The following DCN variants were observed in gnomAD, a reference collection of about 807,000 sequenced individuals.
DCN encodes the protein decorin.
A neutral mutation model predicts 36.5 loss-of-function variants in DCN; 17 were observed. The observed-to-expected ratio is 0.47, with a 90% CI of 0.32 to 0.70. DCN has a LOEUF of 0.70. Among genes scored for constraint, DCN ranks in the 30% least tolerant of loss-of-function variants. The probability of loss-of-function intolerance (pLI) is 0.04; values close to 1 mark genes in which losing one functional copy is unlikely to be tolerated. For missense variants in DCN, 389 were observed against 430.1 expected, an observed-to-expected ratio of 0.90 and a Z score of 0.84; for synonymous variants, 163 against 161.4, an observed-to-expected ratio of 1.01 and a Z score of -0.07.
chr12:91,158,202 G>T, intron 4 of DCN, 94 bp downstream of exon 4: 1 of 817,534 alleles, frequency 1.2e-6, no homozygotes. Flanking sequence ...CATGTAGCTT[G>T]TAGCTAATTT....
At chr12:91,165,518 A>G (rs966713950) in intron 2 of DCN, among the ~76,000 whole-genome samples, 1 of 152,170 alleles carries the variant, frequency 6.6e-6, no homozygotes, top group African/African-American at 2.4e-5. Flanking sequence ...TCAGCTAGTC[A>G]TATAAGGATG....
chr12:91,147,416 A>G (rs1472095959), intron 7 of DCN, among the ~76,000 whole-genome samples: 2 of 152,208 alleles, frequency 1.3e-5, no homozygotes, highest in East Asian at 1.9e-4. Flanking sequence ...AGCATTATCA[A>G]TATGTAGCAT....
intron 2 of DCN, chr12:91,177,114 G>A (rs182776597): frequency 1.9e-5 from 3 of 158,558 alleles, no homozygotes; most frequent in African/African-American, 7.2e-5. Flanking sequence ...TCCCGATATA[G>A]CTTCTGAATG....
intron 1 of DCN, among the ~76,000 whole-genome samples, chr12:91,181,133 C>CGTGT (rs545530519): frequency 1.7e-4 from 25 of 147,008 alleles, no homozygotes; most frequent in Non-Finnish European, 2.1e-4. Context: ...TTCATTTGCT[C>CGTGT]GTGTGTGTGT....
chr12:91,177,554 C>G (rs1883366900), intron 2 of DCN: 1 of 702,154 alleles, frequency 1.4e-6, no homozygotes, highest in Non-Finnish European at 2.6e-6. Context: ...TTGGCCCATC[C>G]ACTGAGCTTC....
chr12:91,146,516 C>A (rs1441186086), intron 7 of DCN, among the ~76,000 whole-genome samples: 1 of 151,746 alleles, frequency 6.6e-6, no homozygotes, highest in South Asian at 2.1e-4. Flanking sequence ...ACACCATGCC[C>A]GGCTAATTTT....
chr12:91,141,803 A>T lies in DCN; in HGVS notation c.*4255T>A, dbSNP rs563049361. ...ACTGCAGAATGTGTGGCCTGGGAAG[A>T]GTCTCCTGATCTCCAATGCCTAAGT... is the stretch of plus-strand genomic sequence containing the variant. On this transcript the variant is annotated 3_prime_UTR_variant, in exon 8 of 8. Coordinates refer to ENST00000052754, the MANE Select transcript of DCN (RefSeq NM_001920.5). The T allele has an allele frequency of 6.6e-6, 1 of 152,238 alleles. No homozygotes were observed. Among genetic ancestry groups the T allele is most frequent in the African/African-American group, 2.4e-5 (1 of 41,556 alleles). The allele number at this position is 152,238 out of a possible 1,614,324, so 9.4% of individuals were successfully genotyped here. A position where few individuals can be genotyped will look rare whatever the true frequency, so the allele number is the denominator to read the frequency against.
chr12:91,181,904 A>G (rs1292155156), intron 1 of DCN, among the ~76,000 whole-genome samples: 1 of 150,786 alleles, frequency 6.6e-6, no homozygotes, highest in Non-Finnish European at 1.5e-5. Context: ...AGCAACAGGA[A>G]AAAAAAAAGC....
intron 2 of DCN, among the ~76,000 whole-genome samples, chr12:91,168,083 G>T (rs566882714): frequency 2.6e-4 from 39 of 152,106 alleles, no homozygotes; most frequent in Admixed American, 5.9e-4. Context: ...CACCAGCCTC[G>T]GCCTCCCAAA....
rs546461338 is a variant in DCN, at chr12:91,144,909, T to G, written c.*1149A>C. 6.6e-6 allele frequency: 1 copy of G among 152,222 alleles called. No individual in the cohort carries two copies. Among genetic ancestry groups the G allele is most frequent in the African/African-American group, 2.4e-5 (1 of 41,454 alleles). 9.4% of individuals were successfully genotyped at this position (152,222 alleles called of 1,614,324 possible). A position where few individuals can be genotyped will look rare whatever the true frequency, so the allele number is the denominator to read the frequency against. On this transcript the variant is annotated 3_prime_UTR_variant, in exon 8 of 8. Coordinates refer to ENST00000052754, the MANE Select transcript of DCN (RefSeq NM_001920.5). ...TATGACAAAATTTAGTCCACCATAT[T>G]TCAATTATTTGCTATACTTAATAAA...
intron 7 of DCN, chr12:91,150,741 G>A (rs1219412166): frequency 6.6e-6 from 1 of 152,116 alleles, no homozygotes; most frequent in Admixed American, 6.6e-5. Flanking sequence ...CCATTACTGG[G>A]TATATACCCA....
In DCN at chr12:91,157,059, G is replaced by T. The variant is rs1558593; in HGVS notation, c.652+16C>A. ...AATTTAAATTTTTCAAAATGTTTTG[G>T]AGAATCTTCTATCACCTTGAGGAAT... On this transcript the variant is annotated intron_variant, in intron 5 of 7. Coordinates refer to ENST00000052754, the MANE Select transcript of DCN (RefSeq NM_001920.5). 6.6e-7 allele frequency: 1 copy of T among 1,509,266 alleles called. No individual in the cohort carries two copies. Among genetic ancestry groups the T allele is most frequent in the South Asian group, 1.1e-5 (1 of 88,864 alleles). The allele number at this position is 1,509,266 out of a possible 1,614,324, so 93.5% of individuals were successfully genotyped here.
chr12:91,150,026 C>CA, intron 7 of DCN, among the ~76,000 whole-genome samples: 1 of 152,026 alleles, frequency 6.6e-6, no homozygotes, highest in South Asian at 2.1e-4. Context: ...CAAAGCCTTA[C>CA]AAGAATATTT....
rs561852102 is a variant in DCN, at chr12:91,144,644, C to G, written c.*1414G>C. On this transcript the variant is annotated 3_prime_UTR_variant, in exon 8 of 8. Transcript: ENST00000052754. ...GAAGAAGAAAAATAGTTTGATTAAG[C>G]CTCCTTTATGCCAACCTGTCAGAGG... 6.6e-6 allele frequency: 1 copy of G among 152,084 alleles called. No homozygotes were observed. The highest frequency in any genetic ancestry group is 1.5e-5 in the Non-Finnish European group (1 of 68,020). The allele number at this position is 152,084 out of a possible 1,614,324, so 9.4% of individuals were successfully genotyped here.
rs956154582 is a variant in DCN, at chr12:91,162,214, C to G, written c.324+2391G>C. The stretch of plus-strand genomic sequence containing the variant: ...TTGACCTCCCAAAGTCCTGGGATTA[C>G]AGGCATGAGCCACTGCACCCGGCCT... On this transcript the variant is annotated intron_variant, in intron 3 of 7. Transcript: ENST00000052754. 3.9e-5 allele frequency among the ~76,000 whole-genome samples: 6 copies of G among 152,186 alleles called. 1 individual carries two copies. Among genetic ancestry groups the G allele is most frequent in the Admixed American group, 3.9e-4 (6 of 15,282 alleles).
chr12:91,159,147 C>T (rs1351488935), intron 3 of DCN, among the ~76,000 whole-genome samples: 2 of 151,918 alleles, frequency 1.3e-5, no homozygotes, highest in Admixed American at 6.6e-5. Context: ...ATTGAAATGA[C>T]CCTAGATACC....
intron 6 of DCN, 40 bp downstream of exon 6, chr12:91,153,056 G>T: frequency 9.7e-7 from 1 of 1,029,246 alleles, no homozygotes; most frequent in Non-Finnish European, 1.5e-6. Context: ...AATATACCTA[G>T]CCATTGTTCT....
rs1324622122 is a variant in DCN at position 91,145,536 on chromosome 12, T to C, written c.*522A>G. ...GCTTGTATACAATAGTAATTTTGAA[T>C]GTATTTTTAAATTTATTTTTTCAAA... On this transcript the variant is annotated 3_prime_UTR_variant, in exon 8 of 8. Transcript: ENST00000052754. 1 of 168,280 alleles carries C rather than the reference T, an allele frequency of 5.9e-6. No individual in the cohort carries two copies. The highest frequency in any genetic ancestry group is 1.3e-5 in the Non-Finnish European group (1 of 77,250). The allele number at this position is 168,280 out of a possible 1,614,324, so 10.4% of individuals were successfully genotyped here. A position where few individuals can be genotyped will look rare whatever the true frequency, so the allele number is the denominator to read the frequency against.
At position 91,178,531 on chromosome 12, in the gene DCN, G is replaced by A. The variant is rs1484449525; in HGVS notation, c.22C>T (p.Leu8Phe). Residue 8 changes from leucine to phenylalanine, a missense_variant, in exon 2 of 8, where the codon CTT becomes TTT. Physicochemically the swap from Leu to Phe is conservative, Grantham distance 22. Transcript: ENST00000052754. MKATIIL[L>F]LLAQVSWAGP... ...GCCCAGGAAACTTGTGCAAGCAGAA[G>A]GAGGATGATAGTGGCCTTCATGATT... The A allele has an allele frequency of 1.2e-6, 2 of 1,613,790 alleles. No homozygotes were observed. Among genetic ancestry groups the A allele is most frequent in the East Asian group, 2.2e-5 (1 of 44,810 alleles).
Sources: allele counts gnomAD v4.1 joint callset (sites outside exome capture counted in the v4.1 genomes callset), GRCh38; gene constraint gnomAD v4.1.1; transcripts MANE v1.5; gene names NCBI Gene and HGNC (gene_info 2026-07-23, HGNC 2026-07-21).